The following MSANTD3 variants were observed in gnomAD, a reference collection of about 807,000 sequenced individuals.
MSANTD3 encodes the protein Myb/SANT DNA binding domain containing 3, also known as myb/SANT-like DNA-binding domain-containing protein 3.
MSANTD3 carries 11 observed loss-of-function variants against 27.7 expected under a neutral mutation model. The ratio of observed to expected loss-of-function variants is 0.40; its 90% CI spans 0.25 to 0.66. The LOEUF (loss-of-function observed/expected upper bound fraction) is 0.66, where lower values mean the gene tolerates loss of function less well. MSANTD3 is among the 30% of genes least tolerant of loss of function. The pLI is 0.41. For missense variants in MSANTD3, 250 were observed against 336.5 expected, an observed-to-expected ratio of 0.74 and a Z score of 2.01; for synonymous variants, 131 against 127.2, an observed-to-expected ratio of 1.03 and a Z score of -0.20.
chr9:100,431,273 A>C (rs1273394144), intron 1 of MSANTD3, among the ~76,000 whole-genome samples: 1 of 145,704 alleles, frequency 6.9e-6, no homozygotes, highest in African/African-American at 2.5e-5. Context: ...AAGTGCTGGG[A>C]TTACAGGCGT....
chr9:100,427,605 G>A (rs1006638258), intron 1 of MSANTD3: 1 of 152,062 alleles, frequency 6.6e-6, no homozygotes, highest in East Asian at 1.9e-4. Flanking sequence ...ACAAAGCCCC[G>A]GGGCGCGGGC....
intron 1 of MSANTD3, chr9:100,429,414 C>A (rs906626827): frequency 2.0e-5 from 3 of 152,202 alleles, no homozygotes; most frequent in Non-Finnish European, 4.4e-5. Context: ...AACATTCATT[C>A]AACAAATGTC....
chr9:100,435,404 A>G (rs183920736), intron 1 of MSANTD3, among the ~76,000 whole-genome samples: 2 of 152,338 alleles, frequency 1.3e-5, no homozygotes, highest in East Asian at 3.9e-4. Flanking sequence ...AGAGCAAGAG[A>G]TGTGAAATCT....
chr9:100,442,121 C>T lies in MSANTD3; in HGVS notation c.183C>T (p.Ser61=), dbSNP rs749613521. 5.0e-6 allele frequency: 8 copies of T among 1,614,150 alleles called. No individual in the cohort carries two copies. The highest frequency in any genetic ancestry group is 5.9e-6 in the Non-Finnish European group (7 of 1,180,022). ...ALAHEYNSQP[S]VSLRDFKQLK... ...CCCACGAATACAACTCTCAGCCCAG[C>T]GTGTCCCTGCGGGATTTCAAACAGC... Residue 61 remains serine, a synonymous_variant, in exon 2 of 3, where the codon AGC becomes AGT. Transcript: ENST00000395067.
chr9:100,437,529 G>A (rs1836503267), intron 1 of MSANTD3, among the ~76,000 whole-genome samples: 1 of 152,348 alleles, frequency 6.6e-6, no homozygotes, highest in Admixed American at 6.5e-5. Flanking sequence ...TCACAAGGCT[G>A]TTGAAAATCC....
chr9:100,448,342 C>T, intron 2 of MSANTD3: 1 of 985,192 alleles, frequency 1.0e-6, no homozygotes, highest in Non-Finnish European at 1.2e-6. Flanking sequence ...CTAGAAGTAC[C>T]ACAAAATGTC....
chr9:100,431,661 G>A (rs1232947326), intron 1 of MSANTD3, among the ~76,000 whole-genome samples: 1 of 152,086 alleles, frequency 6.6e-6, no homozygotes, highest in Non-Finnish European at 1.5e-5. Context: ...ATGTGCTGAA[G>A]ATAGATATAA....
intron 1 of MSANTD3, among the ~76,000 whole-genome samples, chr9:100,428,508 G>A (rs979553693): frequency 1.3e-5 from 2 of 152,126 alleles, no homozygotes; most frequent in African/African-American, 4.8e-5. Flanking sequence ...TGTAGAGGAA[G>A]GCACCAGGGT....
chr9:100,446,001 ACTTAT>A (rs1836743676), intron 2 of MSANTD3, among the ~76,000 whole-genome samples: 1 of 152,312 alleles, frequency 6.6e-6, no homozygotes, highest in East Asian at 1.9e-4. Flanking sequence ...TGGCTTTGAC[ACTTAT>A]CTTCCATTAT....
At chr9:100,436,086 A>G (rs1238291016) in intron 1 of MSANTD3, among the ~76,000 whole-genome samples, 2 of 152,064 alleles carry the variant, frequency 1.3e-5, no homozygotes, top group African/African-American at 4.8e-5. Flanking sequence ...CCCAAGGGGA[A>G]CTTCTGTTGC....
chr9:100,446,166 AT>A (rs1201405462), intron 2 of MSANTD3, among the ~76,000 whole-genome samples: 1 of 152,198 alleles, frequency 6.6e-6, no homozygotes, highest in Non-Finnish European at 1.5e-5. Context: ...TTTATATTTA[AT>A]TTCACATTCT....
intron 1 of MSANTD3, among the ~76,000 whole-genome samples, chr9:100,436,335 T>C (rs1164339622): frequency 6.6e-6 from 1 of 152,172 alleles, no homozygotes; most frequent in Non-Finnish European, 1.5e-5. Context: ...GTGTACTGTT[T>C]TGTCATGTAT....
chr9:100,433,505 G>A (rs78830089), intron 1 of MSANTD3, among the ~76,000 whole-genome samples: 21,527 of 152,010 alleles, frequency 0.14, 1,764 homozygotes, highest in Middle Eastern at 0.2. Context: ...TAGTAGCTGG[G>A]GCTATAGGCA....
In MSANTD3 at chr9:100,442,082, C is replaced by T; in HGVS notation, c.144C>T (p.Thr48=). Residue 48 remains threonine (T), a synonymous_variant, in exon 2 of 3, where the codon ACC becomes ACT. Transcript: ENST00000395067. ...DARTIALKQR[T]WQALAHEYNS... ...GAACTATTGCCCTTAAGCAGCGTAC[C>T]TGGCAGGCGCTGGCCCACGAATACA... The T allele has an allele frequency of 6.2e-7, 1 of 1,614,200 alleles. No homozygotes were observed. Among genetic ancestry groups the T allele is most frequent in the African/African-American group, 1.3e-5 (1 of 75,062 alleles).
chr9:100,451,070 T>G lies in MSANTD3; in HGVS notation c.*104T>G. On this transcript the variant is annotated 3_prime_UTR_variant, in exon 3 of 3. Coordinates refer to ENST00000395067, the MANE Select transcript of MSANTD3 (RefSeq NM_080655.3). ...TGTAACAGAGCTACAACTAGGAAAA[T>G]TAGAGTGGTAGTAGTCACTTATTTA... 2 of 1,152,924 alleles carry G rather than the reference T, an allele frequency of 1.7e-6. No homozygotes were observed. Among genetic ancestry groups the G allele is most frequent in the Non-Finnish European group, 2.5e-6 (2 of 815,694 alleles). 71.4% of individuals were successfully genotyped at this position (1,152,924 alleles called of 1,614,324 possible).
chr9:100,432,656 C>G (rs1376162373), intron 1 of MSANTD3, among the ~76,000 whole-genome samples: 1 of 152,162 alleles, frequency 6.6e-6, no homozygotes, highest in Non-Finnish European at 1.5e-5. Flanking sequence ...CAGATCAGAT[C>G]ACCTGCTTTT....
intron 2 of MSANTD3, among the ~76,000 whole-genome samples, chr9:100,443,130 T>C (rs1268434775): frequency 1.3e-5 from 2 of 152,218 alleles, no homozygotes; most frequent in Admixed American, 1.3e-4. Flanking sequence ...CTGGGTTCTG[T>C]GGCTCATGCC....
At chr9:100,441,041 T>G (rs1275406886) in intron 1 of MSANTD3, among the ~76,000 whole-genome samples, 1 of 150,080 alleles carries the variant, frequency 6.7e-6, no homozygotes, top group Admixed American at 6.7e-5. Flanking sequence ...GTTCAAGTAG[T>G]TCTCCTGCCT....
At position 100,442,249 on chromosome 9, in the gene MSANTD3, A is replaced by ACGTCCTAGGGAAGGAGAAGAT. The variant is rs1393885848; in HGVS notation, c.314_334dup (p.Val105_Ile111dup). 6.2e-7 allele frequency: 1 copy of ACGTCCTAGGGAAGGAGAAGAT among 1,614,044 alleles called. No individual in the cohort carries two copies. Among genetic ancestry groups the ACGTCCTAGGGAAGGAGAAGAT allele is most frequent in the African/African-American group, 1.3e-5 (1 of 74,920 alleles). Reference sequence around the variant, plus strand: ...AGCGTCAGCCCTCTCCTGAGTACCCACGTCCTAGGGAAGGAGAAGATCGCC... The same window carrying ACGTCCTAGGGAAGGAGAAGAT: ...AGCGTCAGCCCTCTCCTGAGTACCCACGTCCTAGGGAAGGAGAAGATCGTCCTAGGGAAGGAGAAGATCGCC... On this transcript the variant is annotated inframe_insertion, in exon 2 of 3. Coordinates refer to ENST00000395067, the MANE Select transcript of MSANTD3 (RefSeq NM_080655.3).
Sources: gnomAD v4.1 joint callset for allele counts (sites outside exome capture counted in the v4.1 genomes callset) on GRCh38, gnomAD v4.1.1 for gene constraint, MANE v1.5 for transcripts, NCBI Gene and HGNC (gene_info 2026-07-23, HGNC 2026-07-21) for gene names.